PDE7B: variants seen among roughly 807,000 people sequenced by gnomAD.
PDE7B encodes phosphodiesterase 7B, also known as 3',5'-cyclic-AMP phosphodiesterase 7B.
In PDE7B, 29 loss-of-function variants were observed where a neutral mutation model predicts 56.2. The ratio of observed to expected loss-of-function variants is 0.52; its 90% confidence interval spans 0.38 to 0.70. The LOEUF is 0.70. Ranked by LOEUF, PDE7B falls within the 30% of genes least tolerant of loss-of-function variation. The probability of loss-of-function intolerance (pLI) is 0.00; values close to 1 mark genes in which losing one functional copy is unlikely to be tolerated. For synonymous variants in PDE7B, 197 were observed against 196.9 expected, an observed-to-expected ratio of 1.00 and a Z score of 0.00; for missense variants, 490 against 565.0, an observed-to-expected ratio of 0.87 and a Z score of 1.35.
chr6:135,953,573 A>G (rs138397847), intron 2 of PDE7B, among the ~76,000 whole-genome samples: 59 of 152,286 alleles, frequency 3.9e-4, no homozygotes, highest in African/African-American at 1.4e-3. Flanking sequence ...TTTTAGAAGT[A>G]CTATAAATAT....
intron 1 of PDE7B, among the ~76,000 whole-genome samples, chr6:135,885,218 C>T (rs1163387472): frequency 6.6e-6 from 1 of 152,112 alleles, no homozygotes; most frequent in Non-Finnish European, 1.5e-5. Context: ...CATGATGTTT[C>T]ATAAAGCCTG....
chr6:135,864,378 C>T (rs1423127347), intron 1 of PDE7B, among the ~76,000 whole-genome samples: 2 of 151,982 alleles, frequency 1.3e-5, no homozygotes, highest in Non-Finnish European at 2.9e-5. Flanking sequence ...TATAGGATTT[C>T]CTTTAGTGCA....
At chr6:136,018,183 T>C (rs906945161) in intron 2 of PDE7B, among the ~76,000 whole-genome samples, 1 of 152,224 alleles carries the variant, frequency 6.6e-6, no homozygotes, top group Non-Finnish European at 1.5e-5. Flanking sequence ...ATTGGCAGGA[T>C]GGAACGATTG....
At position 136,108,756 on chromosome 6, in the gene PDE7B, G is replaced by A. The variant is rs374865142; in HGVS notation, c.108G>A (p.Thr36=). Residue 36 remains threonine, a synonymous_variant, in exon 3 of 13, where the codon ACG becomes ACA. Coordinates refer to ENST00000308191, the MANE Select transcript of PDE7B (RefSeq NM_018945.4). ...MLGDIRLRGQ[T]GVRAERRGSY... ...GAGATATACGACTAAGGGGTCAGAC[G>A]GGGGTTCGTGCTGAACGCCGTGGCT... The A allele has an allele frequency of 5.0e-5, 80 of 1,610,954 alleles. No individual in the cohort carries two copies. In the African/African-American group the frequency reaches 6.8e-4, roughly 14 times the overall value.
chr6:136,002,707 C>T (rs993923763), intron 2 of PDE7B, among the ~76,000 whole-genome samples: 1 of 152,082 alleles, frequency 6.6e-6, no homozygotes, highest in African/African-American at 2.4e-5. Context: ...AAAGCAAGTC[C>T]CTAGTGACCT....
chr6:135,873,296 A>G (rs1227433647), intron 1 of PDE7B, among the ~76,000 whole-genome samples: 1 of 152,206 alleles, frequency 6.6e-6, no homozygotes, highest in African/African-American at 2.4e-5. Context: ...ACAAATATCT[A>G]TGAATGGGGG....
intron 2 of PDE7B, among the ~76,000 whole-genome samples, chr6:135,982,950 C>T (rs74568071): frequency 0.031 from 4,787 of 152,250 alleles, 220 homozygotes; most frequent in African/African-American, 0.1. Flanking sequence ...GAAGAACTCC[C>T]AGTCTCTGTT....
chr6:136,033,746 T>C (rs750945398), intron 2 of PDE7B, among the ~76,000 whole-genome samples: 1 of 152,342 alleles, frequency 6.6e-6, no homozygotes, highest in South Asian at 2.1e-4. Flanking sequence ...GTTATCACAT[T>C]TCTATGTCTC....
chr6:135,990,136 C>T (rs889922887), intron 2 of PDE7B, among the ~76,000 whole-genome samples: 137 of 149,282 alleles, frequency 9.2e-4, no homozygotes, highest in African/African-American at 3.3e-3. Context: ...CGCTCTATCG[C>T]CCAGGCTGGA....
At chr6:136,115,323 A>G (rs1777812631) in intron 3 of PDE7B, among the ~76,000 whole-genome samples, 1 of 152,154 alleles carries the variant, frequency 6.6e-6, no homozygotes, top group Non-Finnish European at 1.5e-5. Context: ...GGGAGAAGTT[A>G]AAACACAAGC....
At chr6:136,083,732 T>G (rs992950681) in intron 2 of PDE7B, among the ~76,000 whole-genome samples, 1 of 152,178 alleles carries the variant, frequency 6.6e-6, no homozygotes, top group African/African-American at 2.4e-5. Context: ...TTGGTTGGCT[T>G]GGAACAGCTG....
At chr6:135,943,512 T>C (rs1774542084) in intron 1 of PDE7B, among the ~76,000 whole-genome samples, 1 of 152,216 alleles carries the variant, frequency 6.6e-6, no homozygotes, top group Admixed American at 6.5e-5. Flanking sequence ...AATCTATATA[T>C]CTCAGTCAAA....
intron 2 of PDE7B, among the ~76,000 whole-genome samples, chr6:136,022,683 C>A (rs769951432): frequency 3.3e-5 from 5 of 152,196 alleles, no homozygotes; most frequent in African/African-American, 4.8e-5. Context: ...TGCAGTGATA[C>A]TCACTGTGCA....
rs923337662 is a variant in PDE7B, at chr6:136,112,884, T to A, written c.166+4070T>A. ...ACCTGTTTTCTGCATATAAGGTGAC[T>A]CTTGGTTTGCCTGGCATAGTCCTAG... On this transcript the variant is annotated intron_variant, in intron 3 of 12. Coordinates refer to ENST00000308191, the MANE Select transcript of PDE7B (RefSeq NM_018945.4). Among the ~76,000 whole-genome samples the A allele has an allele frequency of 1.3e-5, 2 of 151,370 alleles. 1 individual carries two copies. The highest frequency in any genetic ancestry group is 4.1e-4 in the South Asian group (2 of 4,824).
At chr6:136,063,580 C>T (rs1043479816) in intron 2 of PDE7B, among the ~76,000 whole-genome samples, 1 of 152,210 alleles carries the variant, frequency 6.6e-6, no homozygotes, top group African/African-American at 2.4e-5. Flanking sequence ...CTTTCCAAGG[C>T]ACAGCTCTGC....
At chr6:136,012,334 T>C (rs955911187) in intron 2 of PDE7B, among the ~76,000 whole-genome samples, 1 of 152,186 alleles carries the variant, frequency 6.6e-6, no homozygotes, top group African/African-American at 2.4e-5. Flanking sequence ...TAGATCCTAC[T>C]CTTTATCAGC....
chr6:136,115,436 T>C (rs1257331626), intron 3 of PDE7B, among the ~76,000 whole-genome samples: 1 of 152,104 alleles, frequency 6.6e-6, no homozygotes. Context: ...CAGGAAAACA[T>C]TGTCAACAAG....
At chr6:136,137,964 G>A (rs777194857) in intron 3 of PDE7B, among the ~76,000 whole-genome samples, 1 of 152,084 alleles carries the variant, frequency 6.6e-6, no homozygotes, top group Non-Finnish European at 1.5e-5. Context: ...ACATGGATTA[G>A]GCAATGAAAC....
chr6:135,874,327 G>A (rs1407781746), intron 1 of PDE7B, among the ~76,000 whole-genome samples: 2 of 152,076 alleles, frequency 1.3e-5, no homozygotes, highest in Non-Finnish European at 2.9e-5. Context: ...CTCTGTTGCT[G>A]AGTTTTCTTC....
Sources: gnomAD v4.1 joint callset for allele counts (sites outside exome capture counted in the v4.1 genomes callset) on GRCh38, gnomAD v4.1.1 for gene constraint, MANE v1.5 for transcripts, NCBI Gene and HGNC (gene_info 2026-07-23, HGNC 2026-07-21) for gene names.